Variants in ATG7 observed in about 807,000 individuals in gnomAD.
The protein encoded by ATG7 is autophagy related 7, also known as ubiquitin-like modifier-activating enzyme ATG7.
ATG7 carries 70 observed loss-of-function variants against 82.4 expected under a neutral mutation model. That is an observed-to-expected ratio of 0.85 (90% CI 0.70 to 1.04). ATG7 has a LOEUF of 1.04. Ranked by LOEUF, ATG7 falls within the 50% of genes least tolerant of loss-of-function variation. The pLI, the probability that ATG7 is intolerant of heterozygous loss-of-function variation, is 0.00. For synonymous variants in ATG7, 287 were observed against 313.0 expected (o/e 0.92, Z 0.88); for missense variants, 792 against 864.3 (o/e 0.92, Z 1.05).
At chr3:11,471,840 C>T (rs112390874) in intron 20 of ATG7, among the ~76,000 whole-genome samples, 13,701 of 143,492 alleles carry the variant, frequency 0.095, 1,167 homozygotes, top group African/African-American at 0.23. Flanking sequence ...CAGGTTCAAG[C>T]GATTCTCCTG....
intron 3 of ATG7, among the ~76,000 whole-genome samples, chr3:11,297,167 G>GTGAC: frequency 6.6e-6 from 1 of 152,198 alleles, no homozygotes; most frequent in Non-Finnish European, 1.5e-5. Flanking sequence ...ACCAGCCTGG[G>GTGAC]TGACATGACA....
chr3:11,542,429 G>A (rs923920897), intron 20 of ATG7, among the ~76,000 whole-genome samples: 11 of 152,212 alleles, frequency 7.2e-5, no homozygotes, highest in African/African-American at 2.7e-4. Flanking sequence ...ACTAAGGATT[G>A]CAAGGCTAAG....
chr3:11,385,441 T>C (rs932278808), intron 19 of ATG7, among the ~76,000 whole-genome samples: 1 of 152,256 alleles, frequency 6.6e-6, no homozygotes, highest in African/African-American at 2.4e-5. Flanking sequence ...ATGGTTAAAC[T>C]GTTATCTGTT....
At chr3:11,355,373 G>A (rs879812615) in intron 14 of ATG7, among the ~76,000 whole-genome samples, 1 of 152,122 alleles carries the variant, frequency 6.6e-6, no homozygotes, top group Non-Finnish European at 1.5e-5. Context: ...ACAAAAAATG[G>A]TAACTTAGTT....
intron 19 of ATG7, among the ~76,000 whole-genome samples, chr3:11,423,741 G>C (rs1199485563): frequency 6.6e-6 from 1 of 152,030 alleles, no homozygotes; most frequent in African/African-American, 2.4e-5. Context: ...CAGTCTCTCT[G>C]ATCCTAACAG....
At chr3:11,305,322 T>TG (rs1239901781) in intron 5 of ATG7, among the ~76,000 whole-genome samples, 1 of 152,238 alleles carries the variant, frequency 6.6e-6, no homozygotes, top group African/African-American at 2.4e-5. Context: ...CTAGCCATCT[T>TG]GCAGTTGCTT....
At chr3:11,466,466 TTA>T (rs1278244666) in intron 20 of ATG7, among the ~76,000 whole-genome samples, 1 of 152,228 alleles carries the variant, frequency 6.6e-6, no homozygotes, top group African/African-American at 2.4e-5. Flanking sequence ...TTCTGCCAAG[TTA>T]GTTACTGCCT....
At chr3:11,570,033 C>T in the ATG7 span, among the ~76,000 whole-genome samples, 1 of 152,140 alleles carries the variant, frequency 6.6e-6, no homozygotes, top group Admixed American at 6.5e-5. Context: ...TAAAATTTTA[C>T]CTGAATAATA....
At chr3:11,515,169 A>C (rs2092229411) in intron 20 of ATG7, among the ~76,000 whole-genome samples, 1 of 152,078 alleles carries the variant, frequency 6.6e-6, no homozygotes, top group Non-Finnish European at 1.5e-5. Flanking sequence ...TCCTGAGAAG[A>C]TCTGATAGAA....
In ATG7 at chr3:11,326,112, G is replaced by A. The variant is rs1950841456; in HGVS notation, c.679-5228G>A. Among the ~76,000 whole-genome samples the A allele has an allele frequency of 2.6e-5, 4 of 152,176 alleles. No homozygotes were observed. The South Asian group carries it at 6.2e-4, about 24-fold the overall frequency. On this transcript the variant is annotated intron_variant, in intron 9 of 20. Transcript: ENST00000693202. ...AGGAGAGAAAGGAACTTCCCCCAATGTCTTAGGATCAGTTAGCTGCAGAAT... is the reference window on the plus strand; with the variant it reads ...AGGAGAGAAAGGAACTTCCCCCAATATCTTAGGATCAGTTAGCTGCAGAAT...
Position 11,383,513 on chromosome 3 carries a change from C to T in ATG7, c.1956+3461C>T, listed in dbSNP as rs559913504. Among the ~76,000 whole-genome samples the T allele has an allele frequency of 1.2e-4, 18 of 152,232 alleles. No individual in the cohort carries two copies. The South Asian group carries it at 3.5e-3, about 30-fold the overall frequency. On this transcript the variant is annotated intron_variant, in intron 19 of 20. Coordinates refer to ENST00000693202, the MANE Select transcript of ATG7 (RefSeq NM_001349232.2). ...TCCAACAGTGAGAAACCTGCAATCT[C>T]GGCTCACTGCAACCTCCGCCTGCCT...
At chr3:11,442,980 T>C (rs1053743621) in intron 20 of ATG7, among the ~76,000 whole-genome samples, 1 of 152,104 alleles carries the variant, frequency 6.6e-6, no homozygotes, top group African/African-American at 2.4e-5. Context: ...TGTAAGAATA[T>C]GTATTATTGT....
chr3:11,429,595 C>G, intron 20 of ATG7, among the ~76,000 whole-genome samples: 1 of 151,986 alleles, frequency 6.6e-6, no homozygotes, highest in Non-Finnish European at 1.5e-5. Flanking sequence ...TGATGGTTAG[C>G]TAGAGCCAAG....
chr3:11,564,772 G>A, the ATG7 span: 27 of 1,518,590 alleles, frequency 1.8e-5, no homozygotes, highest in African/African-American at 5.8e-5. Context: ...GACTCCCCAC[G>A]CCACCCTCCC....
At chr3:11,548,644 TTTC>T (rs1002389729) in intron 20 of ATG7, among the ~76,000 whole-genome samples, 8 of 152,368 alleles carry the variant, frequency 5.3e-5, no homozygotes, top group East Asian at 1.9e-4. Context: ...TCTGCATTTC[TTTC>T]TTCTTTTCTT....
chr3:11,535,212 C>G (rs1374042048), intron 20 of ATG7, among the ~76,000 whole-genome samples: 2 of 152,220 alleles, frequency 1.3e-5, no homozygotes, highest in African/African-American at 4.8e-5. Flanking sequence ...AGTGCCCAGC[C>G]CTTTGCCCCC....
intron 10 of ATG7, 73 bp from the exon 11 acceptor site, chr3:11,332,899 C>G (rs1951853400): frequency 5.9e-6 from 8 of 1,348,084 alleles, no homozygotes; most frequent in Non-Finnish European, 7.7e-6. Context: ...TGCTGAAGCT[C>G]TTATGTGAGC....
chr3:11,282,394 G>A lies in ATG7; in HGVS notation c.-55G>A, dbSNP rs77996146. Reference sequence around the variant, plus strand: ...GGATGTGACTGCTTGTTCCCTGGTTGACACACTGAAGAAGAAATCATGTTG... The same window carrying A: ...GGATGTGACTGCTTGTTCCCTGGTTAACACACTGAAGAAGAAATCATGTTG... On this transcript the variant is annotated 5_prime_UTR_variant, in exon 3 of 21. Transcript: ENST00000693202. The A allele has an allele frequency of 0.042, 6,411 of 152,326 alleles. 159 individuals are homozygous for A. The highest frequency in any genetic ancestry group is 0.065 in the African/African-American group (2,694 of 41,546). The allele number at this position is 152,326 out of a possible 1,614,324, so 9.4% of individuals were successfully genotyped here.
At chr3:11,437,421 G>A (rs2083462974) in intron 20 of ATG7, among the ~76,000 whole-genome samples, 1 of 152,166 alleles carries the variant, frequency 6.6e-6, no homozygotes, top group Non-Finnish European at 1.5e-5. Flanking sequence ...AGCCACAGTT[G>A]GCTCCATCCA....
Sources: allele counts gnomAD v4.1 joint callset (sites outside exome capture counted in the v4.1 genomes callset), GRCh38; gene constraint gnomAD v4.1.1; transcripts MANE v1.5; gene names NCBI Gene and HGNC (gene_info 2026-07-23, HGNC 2026-07-21).